TCF12: variants seen among roughly 807,000 people sequenced by gnomAD.
TCF12 encodes the protein transcription factor 12, also known as DNA-binding protein HTF4.
A neutral mutation model predicts 86.0 loss-of-function variants in TCF12; 45 were observed. The observed-to-expected ratio is 0.52, with a 90% CI of 0.41 to 0.67. The LOEUF is 0.67. TCF12 is among the 30% of genes least tolerant of loss of function. TCF12 has a pLI of 0.00. For missense variants in TCF12, 881 were observed against 859.9 expected, an observed-to-expected ratio of 1.02 and a Z score of -0.31; for synonymous variants, 330 against 299.6, an observed-to-expected ratio of 1.10 and a Z score of -1.05.
At chr15:57,232,667 T>G in intron 10 of TCF12, 45 bp from the exon 11 acceptor site, 1 of 1,574,918 alleles carries the variant, frequency 6.3e-7, no homozygotes, top group Non-Finnish European at 8.6e-7. Flanking sequence ...TATGTGAATA[T>G]TATTCAGAAA....
intron 3 of TCF12, among the ~76,000 whole-genome samples, chr15:57,007,870 C>T (rs1443676740): frequency 1.6e-5 from 1 of 61,314 alleles, no homozygotes; most frequent in African/African-American, 7.1e-5. Flanking sequence ...TCCTTCCTTC[C>T]TTCCTTCCTT....
Position 57,101,581 on chromosome 15 carries a change from G to A in TCF12, c.325+9690G>A, listed in dbSNP as rs560460892. ...TATTTCAGGACTTTCTGATACGTAC[G>A]CATGTGCACGCGTGCGTGCACACAC... is the stretch of plus-strand genomic sequence containing the variant. On this transcript the variant is annotated intron_variant, in intron 5 of 20. Coordinates refer to ENST00000333725, the MANE Select transcript of TCF12 (RefSeq NM_207037.2). Among the ~76,000 whole-genome samples, 4 of 152,260 alleles carry A rather than the reference G, an allele frequency of 2.6e-5. No homozygotes were observed. In the East Asian group the frequency reaches 5.8e-4, roughly 22 times the overall value.
chr15:57,227,145 A>G (rs2058924424), intron 8 of TCF12, among the ~76,000 whole-genome samples: 1 of 152,156 alleles, frequency 6.6e-6, no homozygotes, highest in Non-Finnish European at 1.5e-5. Context: ...AGTATGGATA[A>G]TCACACCATG....
intron 13 of TCF12, among the ~76,000 whole-genome samples, chr15:57,246,022 A>G (rs1468333277): frequency 4.9e-5 from 4 of 81,184 alleles, no homozygotes; most frequent in Middle Eastern, 7.4e-3. Context: ...TGTCAAAGGG[A>G]AAAAAAAAGG....
intron 3 of TCF12, among the ~76,000 whole-genome samples, chr15:56,925,384 C>T (rs191882097): frequency 1.3e-5 from 2 of 152,174 alleles, no homozygotes; most frequent in East Asian, 3.9e-4. Context: ...TTTCATTAGC[C>T]ATTTAAACAC....
At chr15:57,203,943 C>T (rs2057683204) in intron 8 of TCF12, among the ~76,000 whole-genome samples, 1 of 152,118 alleles carries the variant, frequency 6.6e-6, no homozygotes, top group African/African-American at 2.4e-5. Context: ...TTGAGCCCAC[C>T]ATGTTCACTC....
rs139745562 is a variant in TCF12 at position 57,243,682 on chromosome 15, A to C, written c.1114+132A>C. The C allele has an allele frequency of 9.1e-3, 6,311 of 696,582 alleles. 47 individuals are homozygous for C. The highest frequency in any genetic ancestry group is 0.015 in the Middle Eastern group (37 of 2,488). 43.2% of individuals were successfully genotyped at this position (696,582 alleles called of 1,614,324 possible). A position where few individuals can be genotyped will look rare whatever the true frequency, so the allele number is the denominator to read the frequency against. ...GATTTTGACTATAAGAAAGTGTGTAAAGAGAGCCTTCCTCTTGAATTCATT... is the reference window on the plus strand; with the variant it reads ...GATTTTGACTATAAGAAAGTGTGTACAGAGAGCCTTCCTCTTGAATTCATT... On this transcript the variant is annotated intron_variant, in intron 13 of 20. Coordinates refer to ENST00000333725, the MANE Select transcript of TCF12 (RefSeq NM_207037.2).
intron 3 of TCF12, among the ~76,000 whole-genome samples, chr15:56,992,263 C>T (rs1231501146): frequency 6.6e-6 from 1 of 152,016 alleles, no homozygotes; most frequent in East Asian, 1.9e-4. Flanking sequence ...AGAGTGAGAC[C>T]CTGTCTCACA....
chr15:56,964,592 T>C (rs2061920577), intron 3 of TCF12, among the ~76,000 whole-genome samples: 1 of 152,232 alleles, frequency 6.6e-6, no homozygotes, highest in Non-Finnish European at 1.5e-5. Context: ...CTGACTTTTA[T>C]AACCAACAGG....
intron 3 of TCF12, among the ~76,000 whole-genome samples, chr15:56,934,653 TG>T (rs2140293539): frequency 1.3e-5 from 2 of 152,300 alleles, no homozygotes; most frequent in East Asian, 3.9e-4. Context: ...TGGGAAATAT[TG>T]GGATTTTACA....
intron 3 of TCF12, among the ~76,000 whole-genome samples, chr15:56,994,972 G>C (rs541082969): frequency 6.6e-6 from 1 of 152,034 alleles, no homozygotes. Context: ...GAGAGGAAAA[G>C]TTATAACATT....
Position 57,263,174 on chromosome 15 carries a change from A to G in TCF12, c.1645A>G (p.Lys549Glu), listed in dbSNP as rs1288510945. 6.2e-7 allele frequency: 1 copy of G among 1,613,290 alleles called. No homozygotes were observed. Among genetic ancestry groups the G allele is most frequent in the Non-Finnish European group, 8.5e-7 (1 of 1,179,776 alleles). ...AGAAATCAAGACTGAAAACAAAGAAAAGGATGAAAACCTTCATGAACCTCC... is the reference window on the plus strand; with the variant it reads ...AGAAATCAAGACTGAAAACAAAGAAGAGGATGAAAACCTTCATGAACCTCC... ...TTEIKTENKE[K>E]DENLHEPPSS... is the part of the protein sequence containing the mutation. Residue 549 changes from lysine to glutamate, a missense_variant, in exon 18 of 21, where the codon AAG (lysine) becomes GAG (glutamate). This residue lies in a region of TCF12 where 766 missense variants were observed against 718.9 expected (regional missense o/e 1.07). Transcript: ENST00000333725.
At chr15:57,054,327 G>A (rs1420046366) in intron 3 of TCF12, among the ~76,000 whole-genome samples, 1 of 152,202 alleles carries the variant, frequency 6.6e-6, no homozygotes, top group Non-Finnish European at 1.5e-5. Flanking sequence ...GTACTTGATA[G>A]TTATGCAGAA....
chr15:57,043,649 A>G, intron 3 of TCF12, among the ~76,000 whole-genome samples: 1 of 152,338 alleles, frequency 6.6e-6, no homozygotes, highest in South Asian at 2.1e-4. Context: ...ATTTAAAACA[A>G]TATTTAAGTC....
intron 3 of TCF12, among the ~76,000 whole-genome samples, chr15:57,004,384 T>C (rs909474858): frequency 1.4e-4 from 21 of 151,978 alleles, no homozygotes; most frequent in African/African-American, 4.3e-4. Flanking sequence ...AATGCAGGTG[T>C]GCACCACCAT....
At chr15:57,148,798 G>A (rs1177173461) in intron 5 of TCF12, among the ~76,000 whole-genome samples, 1 of 151,884 alleles carries the variant, frequency 6.6e-6, no homozygotes, top group Non-Finnish European at 1.5e-5. Context: ...GATAGCTTGA[G>A]CCTGGAGGTA....
chr15:56,992,944 A>C (rs1001647886), intron 3 of TCF12, among the ~76,000 whole-genome samples: 1 of 152,186 alleles, frequency 6.6e-6, no homozygotes. Flanking sequence ...GATTAACCAC[A>C]TGCACCCCGT....
rs557244016 is a variant in TCF12, at chr15:57,284,551, A to G, written c.*12-1606A>G. ...AGTTTTAAAATAAAACCATGCCACT[A>G]TTTCTCAGTGCAAAAGAGACTTTCT... On this transcript the variant is annotated intron_variant, in intron 20 of 20. Coordinates refer to ENST00000333725, the MANE Select transcript of TCF12 (RefSeq NM_207037.2). Among the ~76,000 whole-genome samples, 30 of 152,330 alleles carry G rather than the reference A, an allele frequency of 2.0e-4. No homozygotes were observed. In the South Asian group the frequency reaches 5.8e-3, roughly 29 times the overall value.
intron 3 of TCF12, among the ~76,000 whole-genome samples, chr15:57,027,663 A>G (rs1346450957): frequency 6.6e-6 from 1 of 152,094 alleles, no homozygotes; most frequent in Non-Finnish European, 1.5e-5. Flanking sequence ...GTACCACTTT[A>G]CAGTCCCACA....
Sources: gnomAD v4.1 joint callset for allele counts (sites outside exome capture counted in the v4.1 genomes callset) on GRCh38, gnomAD v4.1.1 for gene constraint, gnomAD v4.1.1 regional missense constraint, MANE v1.5 for transcripts, NCBI Gene and HGNC (gene_info 2026-07-23, HGNC 2026-07-21) for gene names.